Variants in PDE3A observed in about 807,000 individuals in gnomAD.
PDE3A encodes phosphodiesterase 3A.
Under a neutral mutation model 98.3 loss-of-function variants are expected in PDE3A, and 43 were observed. That is an observed-to-expected ratio of 0.44 (90% CI 0.34 to 0.56). The LOEUF (loss-of-function observed/expected upper bound fraction) is 0.56. PDE3A is among the 20% of genes least tolerant of loss of function. PDE3A has a pLI of 0.01. For synonymous variants in PDE3A, 663 were observed against 567.9 expected, an observed-to-expected ratio of 1.17 and a Z score of -2.38; for missense variants, 1,427 against 1,440.7, an observed-to-expected ratio of 0.99 and a Z score of 0.15.
At chr12:20,601,521 T>TAATA (rs1943591153) in intron 2 of PDE3A, among the ~76,000 whole-genome samples, 1 of 152,200 alleles carries the variant, frequency 6.6e-6, no homozygotes, top group African/African-American at 2.4e-5. Context: ...TGTTTTGTGT[T>TAATA]AATATTTTAA....
At chr12:20,440,637 A>C (rs1028312759) in intron 1 of PDE3A, among the ~76,000 whole-genome samples, 1 of 152,184 alleles carries the variant, frequency 6.6e-6, no homozygotes, top group African/African-American at 2.4e-5. Flanking sequence ...AAAGGGTATC[A>C]AGGAACAGTA....
rs562136225 is a variant in PDE3A at position 20,462,473 on chromosome 12, G to A, written c.960+92229G>A. 3.3e-5 allele frequency among the ~76,000 whole-genome samples: 5 copies of A among 152,070 alleles called. 1 individual carries two copies. In the East Asian group the frequency reaches 9.6e-4, roughly 29 times the overall value. ...GCCACTGAACTCCAGCCTGGTCAAC[G>A]AGCAAGACTTCATCTAAAACAACAA... On this transcript the variant is annotated intron_variant, in intron 1 of 15. Transcript: ENST00000359062.
intron 1 of PDE3A, among the ~76,000 whole-genome samples, chr12:20,441,185 A>G (rs1944865290): frequency 6.6e-6 from 1 of 152,214 alleles, no homozygotes; most frequent in Non-Finnish European, 1.5e-5. Context: ...ATTAAGTACC[A>G]TGAAGCAATT....
intron 1 of PDE3A, among the ~76,000 whole-genome samples, chr12:20,391,300 A>G (rs895795869): frequency 2.7e-5 from 4 of 150,580 alleles, no homozygotes; most frequent in Non-Finnish European, 4.4e-5. Flanking sequence ...AAATTAGGCT[A>G]TATTCAATGA....
At chr12:20,436,884 G>A (rs1163214506) in intron 1 of PDE3A, among the ~76,000 whole-genome samples, 1 of 152,164 alleles carries the variant, frequency 6.6e-6, no homozygotes, top group Non-Finnish European at 1.5e-5. Context: ...GCAAGGTTTA[G>A]GATTAAATGA....
intron 1 of PDE3A, among the ~76,000 whole-genome samples, chr12:20,509,922 A>C (rs78259775): frequency 0.01 from 1,584 of 152,108 alleles, 35 homozygotes; most frequent in African/African-American, 0.036. Context: ...CGAAGCTGAA[A>C]ATGTAATGTT....
intron 2 of PDE3A, among the ~76,000 whole-genome samples, chr12:20,586,981 A>G (rs1017474119): frequency 6.6e-6 from 1 of 152,114 alleles, no homozygotes; most frequent in African/African-American, 2.4e-5. Flanking sequence ...CTTTGCTGTT[A>G]ATGGTATTTG....
intron 1 of PDE3A, among the ~76,000 whole-genome samples, chr12:20,469,079 T>A (rs1565559087): frequency 6.6e-6 from 1 of 152,158 alleles, no homozygotes; most frequent in Non-Finnish European, 1.5e-5. Context: ...GCTTGAGAAT[T>A]ACTAAACATC....
chr12:20,546,656 G>A (rs9669439), intron 1 of PDE3A, among the ~76,000 whole-genome samples: 151,086 of 152,192 alleles, frequency 0.99, 75,008 homozygotes, highest in Middle Eastern at 1. Flanking sequence ...CCGTGTGCTC[G>A]TCAGAGTAAA....
intron 2 of PDE3A, among the ~76,000 whole-genome samples, chr12:20,596,699 T>A (rs1943476112): frequency 6.6e-6 from 1 of 152,154 alleles, no homozygotes. Context: ...TGGAAAAATA[T>A]TAATAGTGGG....
intron 1 of PDE3A, among the ~76,000 whole-genome samples, chr12:20,407,302 C>A (rs1944250600): frequency 1.3e-5 from 2 of 152,176 alleles, no homozygotes; most frequent in Non-Finnish European, 2.9e-5. Flanking sequence ...ATAGCAGGTA[C>A]ACAATATAAT....
intron 1 of PDE3A, among the ~76,000 whole-genome samples, chr12:20,448,366 G>T (rs1056429516): frequency 6.6e-6 from 1 of 152,118 alleles, no homozygotes; most frequent in African/African-American, 2.4e-5. Flanking sequence ...GATTGAACCC[G>T]GGAGGCGGCA....
At chr12:20,595,043 A>G (rs1342481344) in intron 2 of PDE3A, among the ~76,000 whole-genome samples, 1 of 152,156 alleles carries the variant, frequency 6.6e-6, no homozygotes, top group African/African-American at 2.4e-5. Flanking sequence ...AATAAAAGAA[A>G]ACTTTACTTC....
intron 2 of PDE3A, among the ~76,000 whole-genome samples, chr12:20,590,703 A>G (rs1317390624): frequency 6.6e-6 from 1 of 152,142 alleles, no homozygotes; most frequent in East Asian, 1.9e-4. Context: ...GAATTTTAAA[A>G]GGCAGCAGGC....
At chr12:20,417,479 G>C (rs999147684) in intron 1 of PDE3A, among the ~76,000 whole-genome samples, 1 of 152,082 alleles carries the variant, frequency 6.6e-6, no homozygotes, top group African/African-American at 2.4e-5. Flanking sequence ...AATTTCCAGT[G>C]GTAGCACTTT....
Position 20,369,734 on chromosome 12 carries a change from C to G in PDE3A, c.450C>G (p.Leu150=). ...CCTTCTTCTGGATGGGCTTGTACCT[C>G]CTGCGCGCCGGGGTGCGCCTGCCTC... ...LCAFFWMGLY[L]LRAGVRLPLA... is the part of the protein sequence containing the mutation. Residue 150 remains leucine, a synonymous_variant, in exon 1 of 16, where the codon CTC becomes CTG. Transcript: ENST00000359062. The G allele has an allele frequency of 6.2e-7, 1 of 1,612,352 alleles. No individual in the cohort carries two copies. Among genetic ancestry groups the G allele is most frequent in the Non-Finnish European group, 8.5e-7 (1 of 1,179,770 alleles).
At chr12:20,393,195 A>C (rs761573598) in intron 1 of PDE3A, among the ~76,000 whole-genome samples, 36 of 152,028 alleles carry the variant, frequency 2.4e-4, no homozygotes, top group Non-Finnish European at 4.1e-4. Context: ...AGCAATTTAC[A>C]AAAGAAAGAG....
At chr12:20,532,356 G>A (rs200098823) in intron 1 of PDE3A, among the ~76,000 whole-genome samples, 1 of 14,638 alleles carries the variant, frequency 6.8e-5, no homozygotes, top group African/African-American at 1.2e-4. Flanking sequence ...TTTAAATCAT[G>A]TAATTTATGC....
At chr12:20,611,396 A>C (rs1402843024) in intron 2 of PDE3A, among the ~76,000 whole-genome samples, 1 of 151,382 alleles carries the variant, frequency 6.6e-6, no homozygotes, top group African/African-American at 2.4e-5. Flanking sequence ...ATATTTAAGC[A>C]CATAAAATTA....
Sources: gnomAD v4.1 joint callset for allele counts (sites outside exome capture counted in the v4.1 genomes callset) on GRCh38, gnomAD v4.1.1 for gene constraint, MANE v1.5 for transcripts, NCBI Gene and HGNC (gene_info 2026-07-23, HGNC 2026-07-21) for gene names.